The following SLC22A23 variants were observed in gnomAD, a reference collection of about 807,000 sequenced individuals.
SLC22A23 encodes the protein solute carrier family 22 member 23.
SLC22A23 carries 26 observed loss-of-function variants against 61.0 expected under a neutral mutation model. That is an observed-to-expected ratio of 0.43 (90% CI 0.31 to 0.59). The LOEUF (loss-of-function observed/expected upper bound fraction) is 0.59, where lower values mean the gene tolerates loss of function less well. Among genes scored for constraint, SLC22A23 ranks in the 20% least tolerant of loss-of-function variants. The probability of loss-of-function intolerance (pLI) is 0.11; values close to 1 mark genes in which losing one functional copy is unlikely to be tolerated. For synonymous variants in SLC22A23, 430 were observed against 413.9 expected (o/e 1.04, Z -0.47); for missense variants, 796 against 934.7 (o/e 0.85, Z 1.94).
At chr6:3,371,353 T>C (rs1373836884) in intron 3 of SLC22A23, among the ~76,000 whole-genome samples, 1 of 152,262 alleles carries the variant, frequency 6.6e-6, no homozygotes, top group Admixed American at 6.5e-5. Flanking sequence ...GCCAGGGCTG[T>C]GATCTAATAA....
chr6:3,431,809 C>T (rs1054456400), intron 1 of SLC22A23, among the ~76,000 whole-genome samples: 1 of 152,138 alleles, frequency 6.6e-6, no homozygotes, highest in Non-Finnish European at 1.5e-5. Context: ...AGCTGGGGAC[C>T]ACAAAGACCG....
chr6:3,329,407 C>G lies in SLC22A23; in HGVS notation c.914-5405G>C, dbSNP rs1763459468. On this transcript the variant is annotated intron_variant, in intron 3 of 9. Transcript: ENST00000406686. This position sits in a 1 kb window ranked among gnomAD's most constrained non-coding sequence, Gnocchi z 4.8. ...GGATTGCTAAGTGCTCCTGGCTTCT[C>G]TGAAATGAGAGTACAGGATTTTTCT... Among the ~76,000 whole-genome samples, 1 of 152,152 alleles carries G rather than the reference C, an allele frequency of 6.6e-6. No individual in the cohort carries two copies. Among genetic ancestry groups the G allele is most frequent in the Non-Finnish European group, 1.5e-5 (1 of 68,034 alleles).
chr6:3,339,483 G>C (rs79350048), intron 3 of SLC22A23, among the ~76,000 whole-genome samples: 5 of 152,172 alleles, frequency 3.3e-5, no homozygotes, highest in Non-Finnish European at 7.4e-5. Context: ...GGTAAAATGA[G>C]GCTGAAACCT....
Position 3,270,737 on chromosome 6 carries a change from G to C in SLC22A23, c.*2318C>G, listed in dbSNP as rs957349324. On this transcript the variant is annotated 3_prime_UTR_variant, in exon 10 of 10. Transcript: ENST00000406686. ...TTGGACCAGTTTTTTATTGTCATTT[G>C]AGGTGGAGATCAGAGATCATGACCA... 1 of 152,326 alleles carries C rather than the reference G, an allele frequency of 6.6e-6. No individual in the cohort carries two copies. Among genetic ancestry groups the C allele is most frequent in the African/African-American group, 2.4e-5 (1 of 41,438 alleles). 9.4% of individuals were successfully genotyped at this position (152,326 alleles called of 1,614,324 possible).
At chr6:3,389,054 G>A (rs906001301) in intron 3 of SLC22A23, among the ~76,000 whole-genome samples, 3 of 151,926 alleles carry the variant, frequency 2.0e-5, no homozygotes, top group African/African-American at 7.3e-5. Flanking sequence ...GATCACTCGA[G>A]GTCAGGAGCT....
At chr6:3,446,789 T>C (rs1385591013) in intron 1 of SLC22A23, among the ~76,000 whole-genome samples, 1 of 152,200 alleles carries the variant, frequency 6.6e-6, no homozygotes, top group African/African-American at 2.4e-5. Flanking sequence ...GTCTCCATCG[T>C]ACGTGCGGTG....
At chr6:3,367,402 A>G (rs1450555160) in intron 3 of SLC22A23, among the ~76,000 whole-genome samples, 1 of 152,208 alleles carries the variant, frequency 6.6e-6, no homozygotes, top group African/African-American at 2.4e-5. Flanking sequence ...CCAATATGCC[A>G]TCATCTTGGG....
chr6:3,412,444 G>A (rs1464283481), intron 2 of SLC22A23, among the ~76,000 whole-genome samples: 1 of 152,162 alleles, frequency 6.6e-6, no homozygotes, highest in Non-Finnish European at 1.5e-5. Flanking sequence ...GACAGGAGTG[G>A]ATATGAACAA....
intron 3 of SLC22A23, among the ~76,000 whole-genome samples, chr6:3,384,596 T>G (rs1767168980): frequency 6.6e-6 from 1 of 152,234 alleles, no homozygotes; most frequent in Non-Finnish European, 1.5e-5. Context: ...CCACATTCTT[T>G]TTGCTTGTTA....
chr6:3,323,429 G>T lies in SLC22A23; in HGVS notation c.1082+405C>A, dbSNP rs1336774357. On this transcript the variant is annotated intron_variant, in intron 4 of 9. Transcript: ENST00000406686. ...AAGGTTGCCCACCCCTCGCCTAGAAGAGATAGGGGGACTTTTGTAAATCAC... is the reference window on the plus strand; with the variant it reads ...AAGGTTGCCCACCCCTCGCCTAGAATAGATAGGGGGACTTTTGTAAATCAC... 1.4e-5 allele frequency: 6 copies of T among 429,322 alleles called. No individual in the cohort carries two copies. The Admixed American group carries it at 1.4e-4, about 10-fold the overall frequency. The allele number at this position is 429,322 out of a possible 1,614,324, so 26.6% of individuals were successfully genotyped here. A position where few individuals can be genotyped will look rare whatever the true frequency, so the allele number is the denominator to read the frequency against.
intron 3 of SLC22A23, among the ~76,000 whole-genome samples, chr6:3,391,707 T>C (rs1217428527): frequency 6.6e-6 from 1 of 152,202 alleles, no homozygotes; most frequent in Admixed American, 6.5e-5. Flanking sequence ...AATACACAAA[T>C]AAATGAAGGT....
At position 3,330,458 on chromosome 6, in the gene SLC22A23, C is replaced by T. The variant is rs979022843; in HGVS notation, c.914-6456G>A. Among the ~76,000 whole-genome samples the T allele has an allele frequency of 2.6e-5, 4 of 152,314 alleles. No individual in the cohort carries two copies. Among genetic ancestry groups the T allele is most frequent in the Admixed American group, 2.6e-4 (4 of 15,300 alleles). On this transcript the variant is annotated intron_variant, in intron 3 of 9. Transcript: ENST00000406686. This position sits in a 1 kb window ranked among gnomAD's most constrained non-coding sequence, Gnocchi z 4.7. The stretch of plus-strand genomic sequence containing the variant: ...CTTACTCGCTGGCCTCACCATCTCC[C>T]AGACCACCATGCGAGCCTCTCTCCT...
chr6:3,437,565 T>A (rs1771301857), intron 1 of SLC22A23, among the ~76,000 whole-genome samples: 1 of 151,326 alleles, frequency 6.6e-6, no homozygotes, highest in Non-Finnish European at 1.5e-5. Context: ...GGCAGGCGCC[T>A]GTAGTCCCAG....
chr6:3,316,321 G>C (rs60773882), intron 4 of SLC22A23, among the ~76,000 whole-genome samples: 1 of 152,130 alleles, frequency 6.6e-6, no homozygotes, highest in African/African-American at 2.4e-5. Flanking sequence ...TAAGGAATTC[G>C]AGAGTACTAT....
chr6:3,290,679 G>A (rs1251226511), intron 5 of SLC22A23: 4 of 152,696 alleles, frequency 2.6e-5, no homozygotes, highest in Admixed American at 2.6e-4. Flanking sequence ...GGGGTCTGCA[G>A]AGGTGCTGGT....
intron 4 of SLC22A23, chr6:3,323,257 C>G: frequency 2.2e-6 from 1 of 456,412 alleles, no homozygotes; most frequent in Admixed American, 2.3e-5. Context: ...AGCTTTATAC[C>G]ATACCAACCT....
At chr6:3,323,724 C>T (rs971604115) in intron 4 of SLC22A23, 110 bp downstream of exon 4, 22 of 1,272,670 alleles carry the variant, frequency 1.7e-5, no homozygotes, top group Non-Finnish European at 2.3e-5. Context: ...GACAGAACCA[C>T]AAGCTGCAAC....
chr6:3,282,393 C>T (rs1206203709), intron 9 of SLC22A23: 1 of 689,536 alleles, frequency 1.5e-6, no homozygotes, highest in African/African-American at 1.8e-5. Flanking sequence ...TGTCCAGGTG[C>T]CCAGTAGCTG....
At position 3,360,284 on chromosome 6, in the gene SLC22A23, A is replaced by C. The variant is rs1157908093; in HGVS notation, c.914-36282T>G. ...ATGCTATGTTTATTTTACCATGATA[A>C]AACAAACACCCCCCTCCAAATAAAA... On this transcript the variant is annotated intron_variant, in intron 3 of 9. Transcript: ENST00000406686. The surrounding 1 kb of genome is among the most constrained non-coding windows in gnomAD (Gnocchi z 4.6). Among the ~76,000 whole-genome samples, 1 of 152,224 alleles carries C rather than the reference A, an allele frequency of 6.6e-6. No homozygotes were observed. The highest frequency in any genetic ancestry group is 1.5e-5 in the Non-Finnish European group (1 of 68,044).
Sources: allele counts gnomAD v4.1 joint callset (sites outside exome capture counted in the v4.1 genomes callset), GRCh38; gene constraint gnomAD v4.1.1; non-coding constraint Gnocchi (gnomAD v3.1); transcripts MANE v1.5; gene names NCBI Gene and HGNC (gene_info 2026-07-23, HGNC 2026-07-21).